NGLY1: variants seen among roughly 807,000 people sequenced by gnomAD.
NGLY1 encodes N-glycanase 1.
In NGLY1, 68 loss-of-function variants were observed where a neutral mutation model predicts 84.6. The observed-to-expected ratio is 0.80, with a 90% CI of 0.66 to 0.98. NGLY1 has a LOEUF of 0.98. Among genes scored for constraint, NGLY1 ranks in the 50% least tolerant of loss-of-function variants. NGLY1 has a pLI of 0.00. For synonymous variants in NGLY1, 280 were observed against 275.2 expected (o/e 1.02, Z -0.17); for missense variants, 779 against 770.2 (o/e 1.01, Z -0.14).
intron 2 of NGLY1, among the ~76,000 whole-genome samples, chr3:25,776,822 T>C (rs1708175712): frequency 6.6e-6 from 1 of 152,184 alleles, no homozygotes; most frequent in Non-Finnish European, 1.5e-5. Flanking sequence ...TCTACTTCTC[T>C]CCATCTCCAC....
At position 25,783,401 on chromosome 3, in the gene NGLY1, C is replaced by T; in HGVS notation, c.-11G>A. The T allele has an allele frequency of 1.3e-6, 2 of 1,525,548 alleles. No individual in the cohort carries two copies. Among genetic ancestry groups the T allele is most frequent in the Middle Eastern group, 2.3e-4 (1 of 4,308 alleles). The allele number at this position is 1,525,548 out of a possible 1,614,324, so 94.5% of individuals were successfully genotyped here. ...TGCCGCCGCCGCCATGCTTGAGCGC[C>T]AGCGGGCGCCGCCGCCGCCCCTCGC... On this transcript the variant is annotated 5_prime_UTR_variant, in exon 1 of 12. Transcript: ENST00000280700. The surrounding 1 kb of genome is among the most constrained non-coding windows in gnomAD (Gnocchi z 4.5).
At position 25,736,031 on chromosome 3, in the gene NGLY1, G is replaced by A. The variant is rs1705798915; in HGVS notation, c.1122C>T (p.Ser374=). ...LYEIGWGKKL[S]YVIAFSKDEV... The stretch of plus-strand genomic sequence containing the variant: ...CATCTTTTGAAAATGCTATGACATA[G>A]GAAAGCTTCTTGCCCCATCCTATTT... The change falls in exon 7 of 12, where the codon TCC becomes TCT. Residue 374 remains serine, a synonymous_variant. Coordinates refer to ENST00000280700, the MANE Select transcript of NGLY1 (RefSeq NM_018297.4). 6.2e-7 allele frequency: 1 copy of A among 1,613,526 alleles called. No homozygotes were observed. The highest frequency in any genetic ancestry group is 1.1e-5 in the South Asian group (1 of 90,964).
intron 2 of NGLY1, among the ~76,000 whole-genome samples, chr3:25,765,989 C>G (rs1448474414): frequency 6.6e-6 from 1 of 152,010 alleles, no homozygotes; most frequent in East Asian, 1.9e-4. Context: ...CCTCAGCCTC[C>G]CAAAGCAAAA....
Position 25,783,305 on chromosome 3 carries a change from A to C in NGLY1, c.86T>G (p.Leu29Trp), listed in dbSNP as rs1280671094. The C allele has an allele frequency of 6.2e-7, 1 of 1,606,860 alleles. No homozygotes were observed. Among genetic ancestry groups the C allele is most frequent in the South Asian group, 1.1e-5 (1 of 90,250 alleles). ...ELCQNTPETF[L>W]EASKLLLTYA... Reference sequence around the variant, plus strand: ...GGTGAGCAGCAGCTTGGAGGCCTCCAAAAAGGTCTCCGGGGTGTTCTGGCA... The same window carrying C: ...GGTGAGCAGCAGCTTGGAGGCCTCCCAAAAGGTCTCCGGGGTGTTCTGGCA... The change falls in exon 1 of 12, where the codon TTG (leucine) becomes TGG (tryptophan). Residue 29 changes from leucine (L) to tryptophan (W), a missense_variant. By Grantham distance (61) the Leu-to-Trp change is moderately conservative (BLOSUM62 -2). Transcript: ENST00000280700. This position sits in a 1 kb window ranked among gnomAD's most constrained non-coding sequence, Gnocchi z 4.5.
Position 25,783,197 on chromosome 3 carries a change from G to A in NGLY1, c.131+63C>T. The A allele has an allele frequency of 6.7e-7, 1 of 1,497,572 alleles. No homozygotes were observed. 92.8% of individuals were successfully genotyped at this position (1,497,572 alleles called of 1,614,324 possible). A position where few individuals can be genotyped will look rare whatever the true frequency, so the allele number is the denominator to read the frequency against. On this transcript the variant is annotated intron_variant, in intron 1 of 11. Transcript: ENST00000280700. The surrounding 1 kb of genome is among the most constrained non-coding windows in gnomAD (Gnocchi z 4.5). ...CTCAGGCCGGACGCCCCAGTCCCTGGCCGAACAAGGTGCCGCGGCCCACCC... is the reference window on the plus strand; with the variant it reads ...CTCAGGCCGGACGCCCCAGTCCCTGACCGAACAAGGTGCCGCGGCCCACCC...
chr3:25,759,362 T>A (rs1230487216), intron 3 of NGLY1, among the ~76,000 whole-genome samples: 2 of 150,506 alleles, frequency 1.3e-5, no homozygotes, highest in Non-Finnish European at 3.0e-5. Flanking sequence ...TTTGAAAAAA[T>A]TCATATTAAA....
At position 25,766,643 on chromosome 3, in the gene NGLY1, A is replaced by C. The variant is rs180733293; in HGVS notation, c.247-2332T>G. On this transcript the variant is annotated intron_variant, in intron 2 of 11. Coordinates refer to ENST00000280700, the MANE Select transcript of NGLY1 (RefSeq NM_018297.4). ...AAAGAATCTTCTTATATCTAGGAGG[A>C]GGCCTAGGAAGAGAAACCAGACATC... Among the ~76,000 whole-genome samples, 187 of 152,286 alleles carry C rather than the reference A, an allele frequency of 1.2e-3. 2 individuals are homozygous for C. Among genetic ancestry groups the C allele is most frequent in the South Asian group, 0.011 (54 of 4,828 alleles).
exon 1 of NGLY1, chr3:25,789,916 G>A: frequency 1.9e-6 from 3 of 1,551,234 alleles, no homozygotes; most frequent in Non-Finnish European, 2.6e-6. Context: ...GGTTCCGAGA[G>A]GGGCGTCTCT....
chr3:25,757,973 A>G (rs754366886), intron 3 of NGLY1, among the ~76,000 whole-genome samples: 2 of 152,244 alleles, frequency 1.3e-5, no homozygotes, highest in African/African-American at 2.4e-5. Flanking sequence ...GTTCAAATGT[A>G]CTGGGTTAAG....
At chr3:25,773,939 A>T (rs1021345455) in intron 2 of NGLY1, among the ~76,000 whole-genome samples, 2 of 152,136 alleles carry the variant, frequency 1.3e-5, no homozygotes, top group Non-Finnish European at 2.9e-5. Flanking sequence ...GGTATTAGAG[A>T]GTGTCTGCAA....
chr3:25,734,223 G>A (rs1428836486), intron 7 of NGLY1: 7 of 335,426 alleles, frequency 2.1e-5, no homozygotes, highest in Non-Finnish European at 3.8e-5. Flanking sequence ...GCACCATCAC[G>A]CCTGGCTGAT....
intron 2 of NGLY1, among the ~76,000 whole-genome samples, chr3:25,774,781 G>A (rs751449681): frequency 1.3e-5 from 2 of 151,902 alleles, no homozygotes; most frequent in Non-Finnish European, 2.9e-5. Context: ...TTCTGTGCTT[G>A]TATCTGCAGT....
At chr3:25,752,088 T>A (rs956933918) in intron 3 of NGLY1, among the ~76,000 whole-genome samples, 1 of 152,170 alleles carries the variant, frequency 6.6e-6, no homozygotes, top group African/African-American at 2.4e-5. Flanking sequence ...GGGAGATGCA[T>A]GAGAATCAGT....
chr3:25,726,942 G>C (rs1219909267), intron 10 of NGLY1, among the ~76,000 whole-genome samples: 1 of 152,152 alleles, frequency 6.6e-6, no homozygotes, highest in Non-Finnish European at 1.5e-5. Context: ...GCTCCTGGGA[G>C]GATACCTCTT....
rs59028606 is a variant in NGLY1, at chr3:25,721,748, C to CA, written c.1612-1558dup. Among the ~76,000 whole-genome samples the CA allele has an allele frequency of 9.9e-3, 501 of 50,716 alleles. 26 individuals are homozygous for CA. The highest frequency in any genetic ancestry group is 0.03 in the African/African-American group (346 of 11,406). 33.3% of individuals were successfully genotyped at this position (50,716 alleles called of 152,430 possible). On this transcript the variant is annotated intron_variant, in intron 10 of 11. Coordinates refer to ENST00000280700, the MANE Select transcript of NGLY1 (RefSeq NM_018297.4). ...TGGGCGACAGAGCAAGACTCCATCT[C>CA]AAAAAAAAAAAAAAAAAAAAAAAAA...
chr3:25,737,807 G>C (rs779250863), intron 5 of NGLY1, among the ~76,000 whole-genome samples: 2 of 152,096 alleles, frequency 1.3e-5, no homozygotes, highest in Non-Finnish European at 2.9e-5. Flanking sequence ...GCCTCCCAAA[G>C]TGCTGAGATT....
chr3:25,755,449 G>A (rs1277509693), intron 3 of NGLY1: 5 of 1,465,838 alleles, frequency 3.4e-6, no homozygotes, highest in South Asian at 2.3e-5. Context: ...CAACTCCAAT[G>A]TCAGTGACAA....
At chr3:25,736,501 T>C in intron 6 of NGLY1, 1 of 869,316 alleles carries the variant, frequency 1.2e-6, no homozygotes. Context: ...AGTCTCTCTC[T>C]CTGGACTTTA....
intron 10 of NGLY1, among the ~76,000 whole-genome samples, chr3:25,722,895 G>A (rs1218352767): frequency 1.3e-5 from 2 of 152,164 alleles, no homozygotes; most frequent in African/African-American, 2.4e-5. Context: ...AGCAAAGGGG[G>A]ATATCTGGGA....
Sources: gnomAD v4.1 joint callset for allele counts (sites outside exome capture counted in the v4.1 genomes callset) on GRCh38, gnomAD v4.1.1 for gene constraint, Gnocchi (gnomAD v3.1) non-coding constraint, MANE v1.5 for transcripts, NCBI Gene and HGNC (gene_info 2026-07-23, HGNC 2026-07-21) for gene names.